MAPK10: variants seen among roughly 807,000 people sequenced by gnomAD.
The protein encoded by MAPK10 is JNK3 alpha protein kinase.
MAPK10 carries 25 observed loss-of-function variants against 59.3 expected under a neutral mutation model. The ratio of observed to expected loss-of-function variants is 0.42; its 90% CI spans 0.31 to 0.59. The LOEUF (loss-of-function observed/expected upper bound fraction) is 0.59. MAPK10 is among the 20% of genes least tolerant of loss of function. The pLI is 0.15. For synonymous variants in MAPK10, 190 were observed against 200.5 expected (o/e 0.95, Z 0.44); for missense variants, 351 against 568.9 (o/e 0.62, Z 3.90).
At position 86,510,145 on chromosome 4, in the gene MAPK10, T is replaced by C. The variant is rs143429677; in HGVS notation, c.-263+83765A>G. Among the ~76,000 whole-genome samples the C allele has an allele frequency of 3.0e-3, 454 of 152,212 alleles. 4 individuals carry two copies. Among genetic ancestry groups the C allele is most frequent in the African/African-American group, 0.011 (440 of 41,554 alleles). On this transcript the variant is annotated intron_variant, in intron 1 of 4. Transcript: ENST00000502302. ...TGGTAGGGGGTGGTTTGTTTTGAGG[T>C]GGGGTCTTGCTTTGTTCCTAGGCTG... is the stretch of plus-strand genomic sequence containing the variant.
At chr4:86,130,012 G>A (rs2060724399) in intron 4 of MAPK10, among the ~76,000 whole-genome samples, 1 of 152,064 alleles carries the variant, frequency 6.6e-6, no homozygotes, top group African/African-American at 2.4e-5. Flanking sequence ...TAGATTCAAT[G>A]ACTGCTGCAT....
At chr4:86,032,920 C>A (rs904897350) in intron 11 of MAPK10, among the ~76,000 whole-genome samples, 2 of 152,184 alleles carry the variant, frequency 1.3e-5, no homozygotes, top group African/African-American at 2.4e-5. Flanking sequence ...TACTGCAATT[C>A]AGATGTGGCT....
At chr4:86,225,065 C>T (rs1319323142) in intron 2 of MAPK10, among the ~76,000 whole-genome samples, 1 of 152,138 alleles carries the variant, frequency 6.6e-6, no homozygotes, top group Non-Finnish European at 1.5e-5. Flanking sequence ...AATGTTAATA[C>T]TCATGCAAGA....
chr4:86,230,390 A>T (rs923465594), intron 2 of MAPK10, among the ~76,000 whole-genome samples: 1 of 152,224 alleles, frequency 6.6e-6, no homozygotes, highest in Non-Finnish European at 1.5e-5. Context: ...CGCCTTGCTC[A>T]GGGAATGTTT....
chr4:86,593,559 C>G (rs12508626), intron 1 of MAPK10, among the ~76,000 whole-genome samples: 1 of 152,136 alleles, frequency 6.6e-6, no homozygotes, highest in Non-Finnish European at 1.5e-5. Context: ...TATGTTAAAC[C>G]TTTTCCTTAA....
At chr4:86,153,267 A>T (rs1395129498) in intron 4 of MAPK10, among the ~76,000 whole-genome samples, 1 of 152,196 alleles carries the variant, frequency 6.6e-6, no homozygotes. Context: ...TCAACAAATG[A>T]TTTACAGAAA....
chr4:86,284,089 G>T (rs954906380), intron 2 of MAPK10, among the ~76,000 whole-genome samples: 10 of 152,050 alleles, frequency 6.6e-5, no homozygotes, highest in Non-Finnish European at 1.0e-4. Flanking sequence ...AATAATAATA[G>T]CTATTATTTA....
At chr4:86,245,524 A>T (rs1197171107) in intron 2 of MAPK10, among the ~76,000 whole-genome samples, 2 of 152,058 alleles carry the variant, frequency 1.3e-5, no homozygotes, top group Non-Finnish European at 2.9e-5. Flanking sequence ...AATAGAGATA[A>T]GTTCTCACTA....
chr4:86,331,368 T>C (rs1307514189), intron 2 of MAPK10, among the ~76,000 whole-genome samples: 1 of 152,096 alleles, frequency 6.6e-6, no homozygotes, highest in Non-Finnish European at 1.5e-5. Flanking sequence ...AAACAGAACA[T>C]AGGACCAGCT....
At chr4:86,270,749 G>A (rs1241097928) in intron 2 of MAPK10, among the ~76,000 whole-genome samples, 1 of 152,016 alleles carries the variant, frequency 6.6e-6, no homozygotes, top group African/African-American at 2.4e-5. Context: ...ACCTGTTCTT[G>A]CATTTCATAA....
chr4:86,115,413 A>C (rs980953890), intron 4 of MAPK10, among the ~76,000 whole-genome samples: 1 of 151,806 alleles, frequency 6.6e-6, no homozygotes, highest in African/African-American at 2.4e-5. Context: ...CAGTTGATGG[A>C]GCAGGATTCA....
intron 2 of MAPK10, among the ~76,000 whole-genome samples, chr4:86,236,164 C>T (rs897447827): frequency 6.6e-6 from 1 of 152,194 alleles, no homozygotes; most frequent in Admixed American, 6.5e-5. Flanking sequence ...CTTCCTACCT[C>T]CCTCTTATAA....
At chr4:86,583,257 T>C (rs1762428565) in intron 1 of MAPK10, among the ~76,000 whole-genome samples, 1 of 152,140 alleles carries the variant, frequency 6.6e-6, no homozygotes, top group South Asian at 2.1e-4. Flanking sequence ...TTGCCTGGCC[T>C]TGTGATCTGC....
chr4:86,363,100 G>T (rs1004524381), upstream of MAPK10, among the ~76,000 whole-genome samples: 1 of 152,056 alleles, frequency 6.6e-6, no homozygotes, highest in African/African-American at 2.4e-5. Context: ...CATGTTCATG[G>T]GTTCCACATC....
intron 2 of MAPK10, among the ~76,000 whole-genome samples, chr4:86,255,639 G>C (rs940949686): frequency 3.3e-4 from 48 of 147,244 alleles, no homozygotes; most frequent in Middle Eastern, 3.2e-3. Context: ...AAAAATCAAG[G>C]TTCTGTTTAA....
chr4:86,152,022 G>A (rs1336145205), intron 4 of MAPK10: 1 of 152,160 alleles, frequency 6.6e-6, no homozygotes, highest in African/African-American at 2.4e-5. Context: ...GCAGCTCCTC[G>A]AGGCGGAGGT....
intron 1 of MAPK10, among the ~76,000 whole-genome samples, chr4:86,587,261 G>A (rs1031980124): frequency 1.1e-4 from 16 of 152,282 alleles, no homozygotes; most frequent in African/African-American, 3.9e-4. Context: ...AATGTACTTT[G>A]TCCCAGTGTT....
At chr4:86,508,405 T>A (rs922663260) in intron 1 of MAPK10, among the ~76,000 whole-genome samples, 2 of 152,182 alleles carry the variant, frequency 1.3e-5, no homozygotes, top group Middle Eastern at 3.2e-3. Context: ...GGACCTTGCA[T>A]CCCTCCTGGG....
At chr4:86,051,210 A>G (rs1045849587) in intron 11 of MAPK10, among the ~76,000 whole-genome samples, 4 of 152,202 alleles carry the variant, frequency 2.6e-5, no homozygotes, top group African/African-American at 9.6e-5. Flanking sequence ...ACCATTAGAA[A>G]GGGACATAAT....
Sources: allele counts gnomAD v4.1 joint callset (sites outside exome capture counted in the v4.1 genomes callset), GRCh38; gene constraint gnomAD v4.1.1; transcripts MANE v1.5; gene names NCBI Gene and HGNC (gene_info 2026-07-23, HGNC 2026-07-21).